P4HTM: variants seen among roughly 807,000 people sequenced by gnomAD.
P4HTM encodes prolyl 4-hydroxylase, transmembrane, also known as transmembrane prolyl 4-hydroxylase.
P4HTM carries 33 observed loss-of-function variants against 55.3 expected under a neutral mutation model. That is an observed-to-expected ratio of 0.60 (90% CI 0.45 to 0.80). The LOEUF is 0.80. P4HTM is among the 30% of genes least tolerant of loss of function. P4HTM has a pLI of 0.00. For missense variants in P4HTM, 542 were observed against 696.5 expected, an observed-to-expected ratio of 0.78 and a Z score of 2.50; for synonymous variants, 272 against 286.4, an observed-to-expected ratio of 0.95 and a Z score of 0.51.
At chr3:48,993,077 G>A (rs1304053679) in intron 2 of P4HTM, among the ~76,000 whole-genome samples, 2 of 152,106 alleles carry the variant, frequency 1.3e-5, no homozygotes, top group Admixed American at 1.3e-4. Flanking sequence ...GTCGAGGCGG[G>A]TGGATCACCT....
chr3:48,993,540 G>A (rs1360343434), intron 2 of P4HTM, among the ~76,000 whole-genome samples: 1 of 151,928 alleles, frequency 6.6e-6, no homozygotes, highest in Admixed American at 6.6e-5. Flanking sequence ...TGAAGCCAAA[G>A]TCTCCCTAAT....
Position 48,990,563 on chromosome 3 carries a change from G to A in P4HTM, c.307G>A (p.Gly103Arg), listed in dbSNP as rs374570053. The change falls in exon 1 of 9, where the codon GGG becomes AGG. Residue 103 changes from glycine (G) to arginine (R), a missense_variant. Around this residue, in one of 2 missense-constraint regions of P4HTM, gnomAD observed 536 missense variants for 672.1 expected, o/e 0.80. Transcript: ENST00000383729. This position sits in a 1 kb window ranked among gnomAD's most constrained non-coding sequence, Gnocchi z 7.2. The part of the protein sequence containing the change: ...PGPQHRAQGP[G>R]PEPTLGPLTR... ...GCCCCAACACCGTGCCCAGGGCCCC[G>A]GGCCCGAGCCCACCTTAGGTCCCCT... 1.2e-6 allele frequency: 2 copies of A among 1,608,356 alleles called. No individual in the cohort carries two copies. Among genetic ancestry groups the A allele is most frequent in the Non-Finnish European group, 1.7e-6 (2 of 1,178,358 alleles).
Position 49,006,908 on chromosome 3 carries a change from G to A in P4HTM, c.*1G>A, listed in dbSNP as rs770340285. On this transcript the variant is annotated 3_prime_UTR_variant, in exon 9 of 9. Coordinates refer to ENST00000383729, the MANE Select transcript of P4HTM (RefSeq NM_177939.3). ...CCGCGATGCGCGCGTGGAACTCTGA[G>A]GGAAGAGTTAGCCCCGGTTCCCAGC... 3.4e-5 allele frequency: 54 copies of A among 1,609,628 alleles called. No homozygotes were observed. The highest frequency in any genetic ancestry group is 4.4e-5 in the Non-Finnish European group (52 of 1,178,012).
chr3:49,005,729 G>A, intron 6 of P4HTM, 48 bp from the exon 7 acceptor site: 1 of 1,553,930 alleles, frequency 6.4e-7, no homozygotes, highest in South Asian at 1.2e-5. Context: ...TAAGCCCCTG[G>A]GAGCATCCAC....
chr3:49,004,069 T>G, intron 4 of P4HTM, 29 bp from the exon 5 acceptor site: 1 of 1,543,202 alleles, frequency 6.5e-7, no homozygotes, highest in Non-Finnish European at 8.8e-7. Context: ...ATGGGCTTGG[T>G]GGGCATTGAT....
chr3:48,990,783 G>C lies in P4HTM; in HGVS notation c.355-50G>C, dbSNP rs755617715. ...GGGCCGGGGCGACTTGGCCCTTCTT[G>C]GGCAGCGCGGTCTGGCGCCCCAGCT... is the stretch of plus-strand genomic sequence containing the variant. On this transcript the variant is annotated intron_variant, in intron 1 of 8. Transcript: ENST00000383729. This position sits in a 1 kb window ranked among gnomAD's most constrained non-coding sequence, Gnocchi z 7.2. 33 of 1,584,790 alleles carry C rather than the reference G, an allele frequency of 2.1e-5. No individual in the cohort carries two copies. The highest frequency in any genetic ancestry group is 2.9e-5 in the Non-Finnish European group (33 of 1,156,620).
chr3:48,991,918 A>G (rs1434108461), intron 2 of P4HTM: 3 of 152,244 alleles, frequency 2.0e-5, no homozygotes, highest in African/African-American at 7.2e-5. Flanking sequence ...AAAGTAGAAC[A>G]TCTGAGCACA....
At chr3:48,994,989 T>TG (rs1333359099) in intron 2 of P4HTM, among the ~76,000 whole-genome samples, 3 of 152,068 alleles carry the variant, frequency 2.0e-5, no homozygotes, top group Non-Finnish European at 2.9e-5. Flanking sequence ...TTAGTAGAGA[T>TG]GGGGTTTCAC....
intron 2 of P4HTM, among the ~76,000 whole-genome samples, chr3:48,995,343 C>T (rs1559889160): frequency 6.6e-6 from 1 of 152,222 alleles, no homozygotes; most frequent in Non-Finnish European, 1.5e-5. Flanking sequence ...CTCCAGCAGG[C>T]CTCTGCTCAC....
At chr3:49,003,124 A>G (rs972583148) in intron 4 of P4HTM, 1 of 250,978 alleles carries the variant, frequency 4.0e-6, no homozygotes, top group Non-Finnish European at 7.9e-6. Flanking sequence ...AGGGGTGGGC[A>G]GGGAAGCTGT....
chr3:48,991,128 G>T (rs1181844146), intron 2 of P4HTM: 1 of 552,694 alleles, frequency 1.8e-6, no homozygotes, highest in Admixed American at 3.1e-5. Flanking sequence ...CCATCACAGG[G>T]CTGGCAGGGT....
intron 2 of P4HTM, among the ~76,000 whole-genome samples, chr3:48,994,037 A>G (rs571699041): frequency 3.9e-5 from 6 of 152,294 alleles, no homozygotes; most frequent in Admixed American, 3.3e-4. Flanking sequence ...ATTGCAATCA[A>G]TGATTACAGG....
rs548774520 is a variant in P4HTM, at chr3:48,999,421, T to G, written c.437-2017T>G. The G allele has an allele frequency of 6.0e-6, 1 of 166,422 alleles. No homozygotes were observed. Among genetic ancestry groups the G allele is most frequent in the Admixed American group, 6.5e-5 (1 of 15,290 alleles). 10.3% of individuals were successfully genotyped at this position (166,422 alleles called of 1,614,324 possible). On this transcript the variant is annotated intron_variant, in intron 2 of 8. Coordinates refer to ENST00000383729, the MANE Select transcript of P4HTM (RefSeq NM_177939.3). The surrounding 1 kb of genome is among the most constrained non-coding windows in gnomAD (Gnocchi z 4.8). The stretch of plus-strand genomic sequence containing the variant: ...TAGCCAATGTCGTGGCATAGGGCCA[T>G]GGCTTGGGGAATGGGCATGCACCTC...
chr3:49,005,111 C>G, intron 6 of P4HTM, 65 bp downstream of exon 6: 2 of 1,613,322 alleles, frequency 1.2e-6, no homozygotes, highest in Non-Finnish European at 1.7e-6. Flanking sequence ...GACACAGGCA[C>G]AGCCCTGCAC....
upstream of P4HTM, chr3:48,989,973 G>A (rs1483129668): frequency 5.9e-6 from 1 of 170,800 alleles, no homozygotes; most frequent in Non-Finnish European, 1.2e-5. Context: ...TGCCGCTCTT[G>A]TCCGCGTCTA....
At chr3:49,001,271 T>C (rs1363621593) in intron 2 of P4HTM, 167 bp from the exon 3 acceptor site, 2 of 671,730 alleles carry the variant, frequency 3.0e-6, no homozygotes, top group Non-Finnish European at 5.4e-6. Context: ...GCAGGACAAC[T>C]CAATCTTGAC....
intron 6 of P4HTM, 53 bp downstream of exon 6, chr3:49,005,099 A>G (rs1406513746): frequency 5.0e-6 from 8 of 1,613,614 alleles, no homozygotes; most frequent in Admixed American, 1.7e-5. Context: ...AGGAACACCC[A>G]TGACACAGGC....
chr3:48,994,773 GCTCT>G (rs1345041312), intron 2 of P4HTM, among the ~76,000 whole-genome samples: 3 of 150,870 alleles, frequency 2.0e-5, no homozygotes, highest in Admixed American at 1.3e-4. Context: ...AGATCTCATG[GCTCT>G]CTCTTTTTGT....
Position 49,006,714 on chromosome 3 carries a change from C to A in P4HTM, c.1316C>A (p.Ser439Ter). The A allele has an allele frequency of 6.2e-7, 1 of 1,613,710 alleles. No individual in the cohort carries two copies. Among genetic ancestry groups the A allele is most frequent in the Non-Finnish European group, 8.5e-7 (1 of 1,180,040 alleles). Residue 439 changes from serine (S) to a stop codon, truncating the protein, a stop_gained, in exon 9 of 9, where the codon TCG (serine) becomes TAG (stop). Coordinates refer to ENST00000383729, the MANE Select transcript of P4HTM (RefSeq NM_177939.3). LOFTEE classifies it high-confidence loss of function. ...TGGGTGGGTGACGTAGACGACTACT[C>A]GCTGCACGGGGGCTGCCTGGTCACG... ...QGWVGDVDDY[S>*]LHGGCLVTRG... is the part of the protein sequence containing the mutation.
Sources: allele counts gnomAD v4.1 joint callset (sites outside exome capture counted in the v4.1 genomes callset), GRCh38; gene constraint gnomAD v4.1.1; regional missense constraint gnomAD v4.1.1; non-coding constraint Gnocchi (gnomAD v3.1); transcripts MANE v1.5; gene names NCBI Gene and HGNC (gene_info 2026-07-23, HGNC 2026-07-21).